Variants in BEND7 observed in about 807,000 individuals in gnomAD.
The protein encoded by BEND7 is BEN domain-containing protein 7.
A neutral mutation model predicts 50.9 loss-of-function variants in BEND7; 28 were observed. The ratio of observed to expected loss-of-function variants is 0.55; its 90% confidence interval spans 0.41 to 0.75. The LOEUF is 0.75. Among genes scored for constraint, BEND7 ranks in the 30% least tolerant of loss-of-function variants. The pLI, the probability that BEND7 is intolerant of heterozygous loss-of-function variation, is 0.00. For missense variants in BEND7, 477 were observed against 491.3 expected (o/e 0.97, Z 0.28); for synonymous variants, 170 against 183.9 (o/e 0.92, Z 0.61).
At chr10:13,482,535 G>A (rs1187503520) in intron 5 of BEND7, among the ~76,000 whole-genome samples, 1 of 152,154 alleles carries the variant, frequency 6.6e-6, no homozygotes, top group Non-Finnish European at 1.5e-5. Flanking sequence ...TTTTCAACAT[G>A]CCACCCCACC....
chr10:13,516,603 A>G (rs550483199), intron 2 of BEND7, among the ~76,000 whole-genome samples: 49 of 152,080 alleles, frequency 3.2e-4, no homozygotes, highest in Non-Finnish European at 5.6e-4. Flanking sequence ...GCACGTGCCT[A>G]TAGTCCCAGC....
intron 3 of BEND7, among the ~76,000 whole-genome samples, chr10:13,498,891 T>C: frequency 6.6e-6 from 1 of 152,232 alleles, no homozygotes; most frequent in East Asian, 1.9e-4. Context: ...GGATGGCTTT[T>C]CATGCCTCTG....
chr10:13,473,720 C>T (rs566958181), intron 6 of BEND7, among the ~76,000 whole-genome samples: 11 of 151,184 alleles, frequency 7.3e-5, no homozygotes, highest in Middle Eastern at 3.4e-3. Context: ...GATTTGGGGT[C>T]GATACCCATC....
chr10:13,525,817 C>A (rs1471914920), intron 2 of BEND7, among the ~76,000 whole-genome samples: 1 of 152,254 alleles, frequency 6.6e-6, no homozygotes, highest in East Asian at 1.9e-4. Context: ...CAAACTATTG[C>A]CAGTGAAGCA....
At chr10:13,516,737 A>G (rs985969905) in intron 2 of BEND7, among the ~76,000 whole-genome samples, 1 of 152,142 alleles carries the variant, frequency 6.6e-6, no homozygotes, top group African/African-American at 2.4e-5. Context: ...AGGAAAAAAA[A>G]ATTATTTAAC....
chr10:13,485,452 T>A (rs2076159459), intron 5 of BEND7, among the ~76,000 whole-genome samples: 1 of 152,146 alleles, frequency 6.6e-6, no homozygotes, highest in African/African-American at 2.4e-5. Flanking sequence ...GGTCATATGC[T>A]GGTGGGGATT....
intron 2 of BEND7, among the ~76,000 whole-genome samples, chr10:13,514,386 T>C (rs897664181): frequency 2.0e-5 from 3 of 151,990 alleles, no homozygotes; most frequent in Non-Finnish European, 2.9e-5. Context: ...TTCTGTAGAG[T>C]GTGCAGCGGG....
intron 7 of BEND7, among the ~76,000 whole-genome samples, chr10:13,448,927 C>T (rs916971536): frequency 3.4e-5 from 5 of 148,622 alleles, no homozygotes; most frequent in South Asian, 2.1e-4. Flanking sequence ...GAGCCGAGAT[C>T]GCGCCACTGC....
chr10:13,525,797 C>G (rs946240383), intron 2 of BEND7, among the ~76,000 whole-genome samples: 9 of 152,074 alleles, frequency 5.9e-5, no homozygotes, highest in Non-Finnish European at 8.8e-5. Flanking sequence ...GATGTAATAC[C>G]CCAATTACAC....
intron 6 of BEND7, among the ~76,000 whole-genome samples, chr10:13,471,375 C>T (rs1433262497): frequency 6.6e-6 from 1 of 152,216 alleles, no homozygotes; most frequent in African/African-American, 2.4e-5. Context: ...CAGCAAAGAT[C>T]ATGTCTTCTG....
intron 2 of BEND7, among the ~76,000 whole-genome samples, chr10:13,502,197 A>T (rs1436951693): frequency 6.6e-6 from 1 of 152,142 alleles, no homozygotes; most frequent in Admixed American, 6.5e-5. Context: ...TATATGTGTT[A>T]TGTTACTAAA....
Position 13,441,660 on chromosome 10 carries a change from TAG to T in BEND7, c.*81_*82del. The T allele has an allele frequency of 1.2e-6, 2 of 1,606,728 alleles. No individual in the cohort carries two copies. The highest frequency in any genetic ancestry group is 4.5e-5 in the East Asian group (2 of 44,796). ...AATTAATCTTCTCCCTTCCCTTGGG[TAG>T]TAGCTCCTTGTGGGAGGCAGAGGAC... On this transcript the variant is annotated 3_prime_UTR_variant, in exon 9 of 9. Coordinates refer to ENST00000466271, the MANE Select transcript of BEND7 (RefSeq NM_001369863.1).
At chr10:13,485,465 G>C (rs915978068) in intron 5 of BEND7, among the ~76,000 whole-genome samples, 8 of 152,280 alleles carry the variant, frequency 5.3e-5, no homozygotes, top group East Asian at 3.9e-4. Flanking sequence ...TGGGGATTTG[G>C]GGGGCTGGGC....
At chr10:13,499,714 T>A (rs949069098) in intron 3 of BEND7, 64 bp downstream of exon 3, 2 of 1,392,256 alleles carry the variant, frequency 1.4e-6, no homozygotes, top group Non-Finnish European at 1.9e-6. Flanking sequence ...ACACACTGAA[T>A]ATTTAGAAAT....
chr10:13,477,715 CAAT>C (rs1159132249), intron 6 of BEND7, among the ~76,000 whole-genome samples: 1 of 152,168 alleles, frequency 6.6e-6, no homozygotes, highest in Non-Finnish European at 1.5e-5. Flanking sequence ...AAATTTACAA[CAAT>C]GTTTTAATGT....
At position 13,480,959 on chromosome 10, in the gene BEND7, T is replaced by C. The variant is rs765848477; in HGVS notation, c.1003A>G (p.Lys335Glu). ...TTCCGGTTGTCATTGAGTCCTCTTTTCCTCTTCCCATTGGGTAAGGAGTTA... is the reference window on the plus strand; with the variant it reads ...TTCCGGTTGTCATTGAGTCCTCTTTCCCTCTTCCCATTGGGTAAGGAGTTA... ...LANSLPNGKR[K>E]RGLNDNRKGL... The change falls in exon 6 of 9, where the codon AAA (lysine) becomes GAA (glutamate). Residue 335 changes from lysine to glutamate, a missense_variant. Transcript: ENST00000466271. 6.2e-7 allele frequency: 1 copy of C among 1,614,190 alleles called. No individual in the cohort carries two copies. The highest frequency in any genetic ancestry group is 8.5e-7 in the Non-Finnish European group (1 of 1,180,030).
intron 6 of BEND7, among the ~76,000 whole-genome samples, chr10:13,465,089 T>C (rs1273760571): frequency 6.6e-6 from 1 of 152,218 alleles, no homozygotes; most frequent in East Asian, 1.9e-4. Flanking sequence ...ACGTCTTCCA[T>C]TCACTGCTGG....
chr10:13,517,932 A>G (rs1225011450), intron 2 of BEND7, among the ~76,000 whole-genome samples: 3 of 152,162 alleles, frequency 2.0e-5, no homozygotes, highest in Admixed American at 2.0e-4. Context: ...TCTGCTAGTT[A>G]TAAGGATAAC....
At chr10:13,478,314 A>G (rs1041261664) in intron 6 of BEND7, among the ~76,000 whole-genome samples, 6 of 152,186 alleles carry the variant, frequency 3.9e-5, no homozygotes, top group African/African-American at 1.4e-4. Context: ...GGGAGTTCAG[A>G]GAGAACCCCT....
Sources: allele counts gnomAD v4.1 joint callset (sites outside exome capture counted in the v4.1 genomes callset), GRCh38; gene constraint gnomAD v4.1.1; transcripts MANE v1.5; gene names NCBI Gene and HGNC (gene_info 2026-07-23, HGNC 2026-07-21).